The following OR10H5 variants were observed in gnomAD, a reference collection of about 807,000 sequenced individuals.
The protein encoded by OR10H5 is olfactory receptor 10H5.
OR10H5 carries 7 observed loss-of-function variants against 12.2 expected under a neutral mutation model. The ratio of observed to expected loss-of-function variants is 0.57; its 90% CI spans 0.33 to 1.07. The LOEUF is 1.07. Ranked by LOEUF, OR10H5 falls within the 50% of genes least tolerant of loss-of-function variation. The pLI is 0.04. For synonymous variants in OR10H5, 159 were observed against 175.1 expected, an observed-to-expected ratio of 0.91 and a Z score of 0.73; for missense variants, 346 against 411.6, an observed-to-expected ratio of 0.84 and a Z score of 1.38.
chr19:15,799,972 G>C lies in OR10H5; in HGVS notation c.*4976G>C, dbSNP rs1165764986. The stretch of plus-strand genomic sequence containing the variant: ...GCCCACCTTGGCCTCCCAAAGTTCT[G>C]GGGTTACAGGCATGAGCCACCACGC... On this transcript the variant is annotated 3_prime_UTR_variant, in exon 2 of 2. Coordinates refer to ENST00000642092, the MANE Select transcript of OR10H5 (RefSeq NM_001004466.2). 1 of 152,060 alleles carries C rather than the reference G, an allele frequency of 6.6e-6. No individual in the cohort carries two copies. Among genetic ancestry groups the C allele is most frequent in the African/African-American group, 2.4e-5 (1 of 41,382 alleles). The allele number at this position is 152,060 out of a possible 1,614,324, so 9.4% of individuals were successfully genotyped here. A position where few individuals can be genotyped will look rare whatever the true frequency, so the allele number is the denominator to read the frequency against.
At chr19:15,789,786 CTTT>C (rs11395185) in intron 1 of OR10H5, among the ~76,000 whole-genome samples, 1 of 137,642 alleles carries the variant, frequency 7.3e-6, no homozygotes, top group African/African-American at 2.7e-5. Context: ...CTTTTCTTTT[CTTT>C]TTTTTTTTTT....
Position 15,798,044 on chromosome 19 carries a change from T to TAAAAAAA in OR10H5, c.*3066_*3072dup, listed in dbSNP as rs61593330. On this transcript the variant is annotated 3_prime_UTR_variant, in exon 2 of 2. Coordinates refer to ENST00000642092, the MANE Select transcript of OR10H5 (RefSeq NM_001004466.2). ...TGGGCGACAAGAGTGACACTCCATC[T>TAAAAAAA]AAAAAAAAAAAAAAAAAAAAAAAAG... The TAAAAAAA allele has an allele frequency of 1.7e-4, 11 of 65,770 alleles. No individual in the cohort carries two copies. Among genetic ancestry groups the TAAAAAAA allele is most frequent in the South Asian group, 6.6e-4 (1 of 1,504 alleles). 4.1% of individuals were successfully genotyped at this position (65,770 alleles called of 1,614,324 possible). A position where few individuals can be genotyped will look rare whatever the true frequency, so the allele number is the denominator to read the frequency against.
intron 1 of OR10H5, among the ~76,000 whole-genome samples, chr19:15,788,377 G>A (rs1183751366): frequency 6.6e-6 from 1 of 152,068 alleles, no homozygotes; most frequent in Non-Finnish European, 1.5e-5. Context: ...TAGCTGCATC[G>A]CTCCAATCTC....
chr19:15,792,489 A>T lies in OR10H5; in HGVS notation c.-11-1549A>T, dbSNP rs1205784624. 2.6e-5 allele frequency among the ~76,000 whole-genome samples: 4 copies of T among 152,036 alleles called. No homozygotes were observed. The South Asian group carries it at 8.3e-4, about 32-fold the overall frequency. On this transcript the variant is annotated intron_variant, in intron 1 of 1. Coordinates refer to ENST00000642092, the MANE Select transcript of OR10H5 (RefSeq NM_001004466.2). ...TTGTTTGTTTGTTTATTTTTGAGAC[A>T]GGGTCTCACTGTGTCGCCCAGGCTG...
chr19:15,791,708 T>G (rs2088810111), intron 1 of OR10H5, among the ~76,000 whole-genome samples: 1 of 151,914 alleles, frequency 6.6e-6, no homozygotes, highest in African/African-American at 2.4e-5. Context: ...TTTTTTTTTT[T>G]TTGAGACGGA....
chr19:15,794,073 G>T lies in OR10H5; in HGVS notation c.25G>T (p.Val9Leu), dbSNP rs746062074. Residue 9 changes from valine (V) to leucine (L), a missense_variant, in exon 2 of 2, where the codon GTG (valine) becomes TTG (leucine). Physicochemically the swap from Val to Leu is conservative, Grantham distance 32 (BLOSUM62 1). Coordinates refer to ENST00000642092, the MANE Select transcript of OR10H5 (RefSeq NM_001004466.2). ...CATGCAGGGGCTAAACCACACCTCCGTGTCTGAATTCATCCTCGTTGGCTT... is the reference window on the plus strand; with the variant it reads ...CATGCAGGGGCTAAACCACACCTCCTTGTCTGAATTCATCCTCGTTGGCTT... Reference protein sequence around the residue: MQGLNHTSVSEFILVGFSA... With the variant: MQGLNHTSLSEFILVGFSA... 6.2e-7 allele frequency: 1 copy of T among 1,613,770 alleles called. No homozygotes were observed. The highest frequency in any genetic ancestry group is 1.3e-5 in the African/African-American group (1 of 75,004).
At position 15,798,398 on chromosome 19, in the gene OR10H5, C is replaced by T. The variant is rs553074819; in HGVS notation, c.*3402C>T. ...AGCCTTCACTTTCTGAAGTCTCACA[C>T]CTCCTGCATTCCTCACTGTTTGCCA... On this transcript the variant is annotated 3_prime_UTR_variant, in exon 2 of 2. Coordinates refer to ENST00000642092, the MANE Select transcript of OR10H5 (RefSeq NM_001004466.2). 3 of 152,214 alleles carry T rather than the reference C, an allele frequency of 2.0e-5. No individual in the cohort carries two copies. In the East Asian group the frequency reaches 5.8e-4, roughly 29 times the overall value. 9.4% of individuals were successfully genotyped at this position (152,214 alleles called of 1,614,324 possible).
chr19:15,790,772 A>C (rs2088806193), intron 1 of OR10H5, among the ~76,000 whole-genome samples: 1 of 152,128 alleles, frequency 6.6e-6, no homozygotes, highest in South Asian at 2.1e-4. Flanking sequence ...TGGAATGATC[A>C]TTCCTAACTT....
At chr19:15,791,792 A>G (rs553092695) in intron 1 of OR10H5, among the ~76,000 whole-genome samples, 2 of 151,330 alleles carry the variant, frequency 1.3e-5, no homozygotes, top group Non-Finnish European at 2.9e-5. Flanking sequence ...TCCTGGGTTC[A>G]TGCCATTCTC....
intron 1 of OR10H5, among the ~76,000 whole-genome samples, chr19:15,788,681 G>T (rs2088795663): frequency 6.6e-6 from 1 of 151,826 alleles, no homozygotes; most frequent in Non-Finnish European, 1.5e-5. Flanking sequence ...TAGAGATGGG[G>T]TTTTGCCATG....
Position 15,795,775 on chromosome 19 carries a change from G to T in OR10H5, c.*779G>T, listed in dbSNP as rs2088837460. On this transcript the variant is annotated 3_prime_UTR_variant, in exon 2 of 2. Transcript: ENST00000642092. ...TAGGATTACTAACTCCATTTTGTTTGTTCGTTAGTTGGTTGGTTTTATACA... is the reference window on the plus strand; with the variant it reads ...TAGGATTACTAACTCCATTTTGTTTTTTCGTTAGTTGGTTGGTTTTATACA... 1 of 152,156 alleles carries T rather than the reference G, an allele frequency of 6.6e-6. No individual in the cohort carries two copies. Among genetic ancestry groups the T allele is most frequent in the Non-Finnish European group, 1.5e-5 (1 of 68,070 alleles). The allele number at this position is 152,156 out of a possible 1,614,324, so 9.4% of individuals were successfully genotyped here. A position where few individuals can be genotyped will look rare whatever the true frequency, so the allele number is the denominator to read the frequency against.
chr19:15,792,044 CT>C (rs2088812036), intron 1 of OR10H5, among the ~76,000 whole-genome samples: 1 of 151,444 alleles, frequency 6.6e-6, no homozygotes, highest in Middle Eastern at 3.2e-3. Context: ...AAAAAATCCT[CT>C]CTTTTAGCTT....
At chr19:15,790,694 A>AGGCTATGCTGCAGTTGTTGGCTTGG (rs2088805941) in intron 1 of OR10H5, among the ~76,000 whole-genome samples, 2 of 152,140 alleles carry the variant, frequency 1.3e-5, no homozygotes, top group South Asian at 4.2e-4. Context: ...GAGGGAGTTG[A>AGGCTATGCTGCAGTTGTTGGCTTGG]GGCTATGCTG....
At chr19:15,788,178 T>C (rs1380709616) in intron 1 of OR10H5, among the ~76,000 whole-genome samples, 1 of 152,164 alleles carries the variant, frequency 6.6e-6, no homozygotes, top group Admixed American at 6.5e-5. Context: ...TATGAGATTA[T>C]TGTAGCTGCC....
chr19:15,795,005 A>T lies in OR10H5; in HGVS notation c.*9A>T, dbSNP rs2088832464. On this transcript the variant is annotated 3_prime_UTR_variant, in exon 2 of 2. Transcript: ENST00000642092. ...TTCCACAGAACTGCTGAAATGGCTG[A>T]CTTTCTCTCAAGAGATGTAGCGAAT... The T allele has an allele frequency of 6.2e-7, 1 of 1,611,446 alleles. No individual in the cohort carries two copies. The highest frequency in any genetic ancestry group is 1.7e-5 in the Admixed American group (1 of 59,662).
Position 15,794,213 on chromosome 19 carries a change from C to T in OR10H5, c.165C>T (p.Leu55=). ...IMATVWSERS[L]HMPMYLFLCA... ...CCACTGTCTGGAGCGAGCGCAGCCT[C>T]CACATGCCCATGTACCTCTTCCTGT... The change falls in exon 2 of 2, where the codon CTC becomes CTT. Residue 55 remains leucine (L), a synonymous_variant. Coordinates refer to ENST00000642092, the MANE Select transcript of OR10H5 (RefSeq NM_001004466.2). 5 of 1,614,216 alleles carry T rather than the reference C, an allele frequency of 3.1e-6. No homozygotes were observed. Among genetic ancestry groups the T allele is most frequent in the Non-Finnish European group, 4.2e-6 (5 of 1,180,026 alleles).
At chr19:15,791,607 T>C (rs1195700495) in intron 1 of OR10H5, among the ~76,000 whole-genome samples, 1 of 152,178 alleles carries the variant, frequency 6.6e-6, no homozygotes, top group Non-Finnish European at 1.5e-5. Flanking sequence ...TCATCATGTC[T>C]CACTTCTACT....
chr19:15,788,434 T>C (rs1389662579), intron 1 of OR10H5, among the ~76,000 whole-genome samples: 1 of 152,158 alleles, frequency 6.6e-6, no homozygotes, highest in African/African-American at 2.4e-5. Context: ...CCTCCCCTCG[T>C]CTTTGAGGGG....
At chr19:15,790,448 T>C (rs528975340) in intron 1 of OR10H5, among the ~76,000 whole-genome samples, 12 of 152,306 alleles carry the variant, frequency 7.9e-5, no homozygotes, top group African/African-American at 2.4e-4. Context: ...TATCCCAGCA[T>C]ACAGTGAGAA....
Sources: gnomAD v4.1 joint callset for allele counts (sites outside exome capture counted in the v4.1 genomes callset) on GRCh38, gnomAD v4.1.1 for gene constraint, MANE v1.5 for transcripts, NCBI Gene and HGNC (gene_info 2026-07-23, HGNC 2026-07-21) for gene names.